Variants in CSMD2 observed in about 807,000 individuals in gnomAD.
The protein encoded by CSMD2 is CUB and Sushi multiple domains 2.
Under a neutral mutation model 398.5 loss-of-function variants are expected in CSMD2, and 130 were observed. The observed-to-expected ratio is 0.33, with a 90% CI of 0.28 to 0.38. The LOEUF is 0.38. Among genes scored for constraint, CSMD2 ranks in the 10% least tolerant of loss-of-function variants. The probability of loss-of-function intolerance (pLI) is 1.00; values close to 1 mark genes in which losing one functional copy is unlikely to be tolerated. For missense variants in CSMD2, 3,829 were observed against 4,764.9 expected (o/e 0.80, Z 5.78); for synonymous variants, 1,828 against 1,908.5 (o/e 0.96, Z 1.10).
chr1:33,778,268 T>TAC (rs1652257914), intron 12 of CSMD2, among the ~76,000 whole-genome samples: 3 of 152,166 alleles, frequency 2.0e-5, no homozygotes, highest in Non-Finnish European at 4.4e-5. Flanking sequence ...CTATCACAGC[T>TAC]TACTGCAGCC....
chr1:34,094,977 C>T (rs1571099822), intron 1 of CSMD2, among the ~76,000 whole-genome samples: 2 of 141,404 alleles, frequency 1.4e-5, no homozygotes, highest in East Asian at 4.1e-4. Context: ...CACCACACCA[C>T]ACCTATTCCA....
chr1:34,124,834 T>C (rs1662572702), intron 1 of CSMD2, among the ~76,000 whole-genome samples: 1 of 152,154 alleles, frequency 6.6e-6, no homozygotes, highest in Non-Finnish European at 1.5e-5. Context: ...TTTGTAAAGA[T>C]GGAAAATAAA....
chr1:34,025,266 T>C (rs1169295643), intron 3 of CSMD2, among the ~76,000 whole-genome samples: 1 of 151,964 alleles, frequency 6.6e-6, no homozygotes, highest in Non-Finnish European at 1.5e-5. Context: ...GTTTTGTCTT[T>C]TTTTTTCCAG....
intron 3 of CSMD2, among the ~76,000 whole-genome samples, chr1:34,016,935 A>G (rs933297281): frequency 6.6e-5 from 10 of 152,142 alleles, no homozygotes; most frequent in Admixed American, 6.5e-4. Flanking sequence ...TTTTTTTCAC[A>G]TATAAACAAT....
chr1:33,594,344 C>T lies in CSMD2; in HGVS notation c.6856+6521G>A, dbSNP rs1570869473. Among the ~76,000 whole-genome samples the T allele has an allele frequency of 2.6e-5, 4 of 152,270 alleles. No homozygotes were observed. The East Asian group carries it at 5.8e-4, about 22-fold the overall frequency. ...CATGAAGCCCCTAACTTTTTCTCCT[C>T]CTTAAACATCACCTCCTTCATTTTC... On this transcript the variant is annotated intron_variant, in intron 44 of 70. Transcript: ENST00000373381.
At chr1:34,068,163 C>T (rs143084629) in intron 2 of CSMD2, among the ~76,000 whole-genome samples, 2 of 152,136 alleles carry the variant, frequency 1.3e-5, no homozygotes, top group African/African-American at 2.4e-5. Context: ...TGACAACAGT[C>T]GTCATTTCCC....
Position 33,540,772 on chromosome 1 carries a change from C to A in CSMD2, c.9458-74G>T, listed in dbSNP as rs956028038. ...CAGCCCCCGTCACCATCATTGATAT[C>A]ACCGACTACCCTGCACCCACCTAGA... On this transcript the variant is annotated intron_variant, in intron 59 of 70. Coordinates refer to ENST00000373381, the MANE Select transcript of CSMD2 (RefSeq NM_001281956.2). 2.6e-6 allele frequency: 4 copies of A among 1,540,798 alleles called. No homozygotes were observed. In the Admixed American group the frequency reaches 5.1e-5, roughly 20 times the overall value.
intron 14 of CSMD2, among the ~76,000 whole-genome samples, chr1:33,742,324 G>C (rs1168702238): frequency 6.6e-6 from 1 of 152,230 alleles, no homozygotes; most frequent in Non-Finnish European, 1.5e-5. Flanking sequence ...CGGAGGCAAG[G>C]CCTTTATGCC....
chr1:34,031,333 G>A (rs1399446477), intron 3 of CSMD2, among the ~76,000 whole-genome samples: 1 of 152,076 alleles, frequency 6.6e-6, no homozygotes, highest in African/African-American at 2.4e-5. Context: ...AAAGTGCTGG[G>A]ATTACAAGTG....
intron 38 of CSMD2, 116 bp downstream of exon 38, chr1:33,617,383 G>T: frequency 2.7e-6 from 2 of 742,838 alleles, no homozygotes; most frequent in Admixed American, 2.1e-5. Context: ...AATGGTACCC[G>T]GGGGACCTGG....
At chr1:34,009,608 T>A (rs1192620286) in intron 3 of CSMD2, among the ~76,000 whole-genome samples, 1 of 151,886 alleles carries the variant, frequency 6.6e-6, no homozygotes, top group Non-Finnish European at 1.5e-5. Context: ...CGCTAACCAC[T>A]GCCCTCCCCA....
intron 5 of CSMD2, 136 bp downstream of exon 5, chr1:33,917,958 G>A: frequency 4.6e-6 from 3 of 652,026 alleles, no homozygotes; most frequent in South Asian, 2.0e-5. Flanking sequence ...TGAGATGAAA[G>A]GACTCTAACA....
intron 1 of CSMD2, among the ~76,000 whole-genome samples, chr1:34,138,533 T>C (rs1292343019): frequency 3.3e-5 from 5 of 152,238 alleles, no homozygotes. Flanking sequence ...ACAGCTTAAC[T>C]TCTCTCTTAC....
Position 33,537,392 on chromosome 1 carries a change from C to G in CSMD2, c.9805+44G>C. The stretch of plus-strand genomic sequence containing the variant: ...ATCTCAGGCCCAAAAGAAGGTCTCC[C>G]GCAACCCCAGCCAAGACGCTCCCTG... On this transcript the variant is annotated intron_variant, in intron 61 of 70. Coordinates refer to ENST00000373381, the MANE Select transcript of CSMD2 (RefSeq NM_001281956.2). The surrounding 1 kb of genome is among the most constrained non-coding windows in gnomAD (Gnocchi z 4.6). The G allele has an allele frequency of 2.5e-6, 4 of 1,569,608 alleles. No homozygotes were observed. The highest frequency in any genetic ancestry group is 2.6e-6 in the Non-Finnish European group (3 of 1,157,006).
At chr1:33,650,341 G>A (rs1643688569) in intron 28 of CSMD2, among the ~76,000 whole-genome samples, 2 of 152,220 alleles carry the variant, frequency 1.3e-5, no homozygotes, top group South Asian at 2.1e-4. Context: ...GTTCCTTGGG[G>A]AGGATGAAAA....
At chr1:33,642,007 G>A (rs2148933190) in intron 29 of CSMD2, among the ~76,000 whole-genome samples, 1 of 152,258 alleles carries the variant, frequency 6.6e-6, no homozygotes, top group Non-Finnish European at 1.5e-5. Flanking sequence ...TGTTCCCTCA[G>A]ATGATCCTTT....
intron 25 of CSMD2, among the ~76,000 whole-genome samples, chr1:33,686,223 C>T (rs1645058149): frequency 1.3e-5 from 2 of 152,188 alleles, no homozygotes; most frequent in African/African-American, 4.8e-5. Flanking sequence ...TTCATCTGAG[C>T]TCGCCCACTG....
chr1:33,703,305 T>C (rs1249842032), intron 22 of CSMD2, among the ~76,000 whole-genome samples: 3 of 152,242 alleles, frequency 2.0e-5, no homozygotes, highest in African/African-American at 2.4e-5. Flanking sequence ...CTATGTGATA[T>C]TGAGTCTTCC....
chr1:33,783,258 T>C (rs781420790), intron 12 of CSMD2, among the ~76,000 whole-genome samples: 2 of 152,084 alleles, frequency 1.3e-5, no homozygotes, highest in Non-Finnish European at 2.9e-5. Context: ...TGAACTTGTG[T>C]GTTCCCCCAA....
Sources: gnomAD v4.1 joint callset for allele counts (sites outside exome capture counted in the v4.1 genomes callset) on GRCh38, gnomAD v4.1.1 for gene constraint, Gnocchi (gnomAD v3.1) non-coding constraint, MANE v1.5 for transcripts, NCBI Gene and HGNC (gene_info 2026-07-23, HGNC 2026-07-21) for gene names.